The following IFT122 variants were observed in gnomAD, a reference collection of about 807,000 sequenced individuals.
IFT122 encodes intraflagellar transport 122.
In IFT122, 118 loss-of-function variants were observed where a neutral mutation model predicts 161.6. The ratio of observed to expected loss-of-function variants is 0.73; its 90% CI spans 0.63 to 0.85. The LOEUF (loss-of-function observed/expected upper bound fraction) is 0.85. Among genes scored for constraint, IFT122 ranks in the 40% least tolerant of loss-of-function variants. The probability of loss-of-function intolerance (pLI) is 0.00; values close to 1 mark genes in which losing one functional copy is unlikely to be tolerated. For missense variants in IFT122, 1,381 were observed against 1,579.6 expected, an observed-to-expected ratio of 0.87 and a Z score of 2.13; for synonymous variants, 550 against 602.4, an observed-to-expected ratio of 0.91 and a Z score of 1.27.
intron 12 of IFT122, 101 bp from the exon 13 acceptor site, chr3:129,479,684 T>G (rs1262920099): frequency 7.3e-7 from 1 of 1,375,298 alleles, no homozygotes; most frequent in East Asian, 2.3e-5. Flanking sequence ...ATACTGAATG[T>G]GTAGGTATTT....
intron 3 of IFT122, among the ~76,000 whole-genome samples, chr3:129,455,224 G>T (rs185625091): frequency 6.6e-6 from 1 of 151,844 alleles, no homozygotes; most frequent in East Asian, 1.9e-4. Flanking sequence ...CCAGGCTGGA[G>T]TGCAGTGGCG....
intron 2 of IFT122, among the ~76,000 whole-genome samples, chr3:129,451,710 A>G (rs1296015860): frequency 6.6e-6 from 1 of 152,254 alleles, no homozygotes; most frequent in Non-Finnish European, 1.5e-5. Context: ...TCCTGGTCAC[A>G]TAGTACATAG....
intron 13 of IFT122, 126 bp from the exon 14 acceptor site, chr3:129,481,404 C>T (rs535995066): frequency 7.9e-6 from 7 of 887,078 alleles, no homozygotes; most frequent in Non-Finnish European, 1.3e-5. Context: ...CTTTTCCCTG[C>T]ACAGAGCTTC....
intron 16 of IFT122, among the ~76,000 whole-genome samples, chr3:129,490,476 T>C (rs1306787624): frequency 6.6e-6 from 1 of 152,204 alleles, no homozygotes; most frequent in East Asian, 1.9e-4. Context: ...AGGGGCCTTG[T>C]GACTCTGACC....
At position 129,479,931 on chromosome 3, in the gene IFT122, T is replaced by C. The variant is rs760740538; in HGVS notation, c.1488+9T>C. 1 of 1,613,708 alleles carries C rather than the reference T, an allele frequency of 6.2e-7. No homozygotes were observed. The highest frequency in any genetic ancestry group is 1.7e-5 in the Admixed American group (1 of 60,000). On this transcript the variant is annotated intron_variant, in intron 13 of 29. Coordinates refer to ENST00000348417, the MANE Select transcript of IFT122 (RefSeq NM_052989.3). ...GGCTGAAGAATGGACAGGTGAGTGC[T>C]CCCTCACGTCTCCTGTCAGGCTGAT... is the stretch of plus-strand genomic sequence containing the variant.
rs746761833 is a variant in IFT122 at position 129,478,042 on chromosome 3, A to C, written c.1174A>C (p.Lys392Gln). 2.5e-6 allele frequency: 4 copies of C among 1,614,218 alleles called. No homozygotes were observed. The Admixed American group carries it at 5.0e-5, about 20-fold the overall frequency. The change falls in exon 12 of 30, where the codon AAG (lysine) becomes CAG (glutamine). Residue 392 changes from lysine to glutamine, a missense_variant. Lys to Gln is a moderately conservative substitution (Grantham distance 53). Around this residue, in one of 7 missense-constraint regions of IFT122, gnomAD observed 544 missense variants for 648.0 expected, o/e 0.84. Transcript: ENST00000348417. ...TCGGATTAAATGCAAAGAGCTTGTC[A>C]AGAAGATTGCCATCTACAGAAATCG... ...KVRIKCKELV[K>Q]KIAIYRNRLA...
chr3:129,442,632 C>T (rs1406276351), intron 1 of IFT122, among the ~76,000 whole-genome samples: 1 of 151,944 alleles, frequency 6.6e-6, no homozygotes, highest in Non-Finnish European at 1.5e-5. Context: ...AAAGATTAGT[C>T]CTCCACATCC....
chr3:129,502,223 C>T (rs1452662162), intron 19 of IFT122, among the ~76,000 whole-genome samples: 1 of 152,246 alleles, frequency 6.6e-6, no homozygotes, highest in African/African-American at 2.4e-5. Context: ...TTGAGGTATT[C>T]TTATGCCTTG....
At chr3:129,489,322 C>T (rs1332920617) in intron 16 of IFT122, among the ~76,000 whole-genome samples, 6 of 152,168 alleles carry the variant, frequency 3.9e-5, no homozygotes, top group Non-Finnish European at 8.8e-5. Context: ...AGCCACTTTC[C>T]TTGGAGCCCC....
rs1475726384 is a variant in IFT122 at position 129,499,926 on chromosome 3, A to G, written c.2233A>G (p.Lys745Glu). 9.9e-6 allele frequency: 16 copies of G among 1,614,062 alleles called. No homozygotes were observed. Among genetic ancestry groups the G allele is most frequent in the Non-Finnish European group, 1.4e-5 (16 of 1,180,032 alleles). Reference protein sequence around the residue: ...AKDFLGSGDPKETKMLITKQA... With the variant: ...AKDFLGSGDPEETKMLITKQA... Reference sequence around the variant, plus strand: ...GGATTTCCTTGGATCTGGAGACCCCAAAGAAACAAAGATGCTAATCACCAA... The same window carrying G: ...GGATTTCCTTGGATCTGGAGACCCCGAAGAAACAAAGATGCTAATCACCAA... The change falls in exon 19 of 30, where the codon AAA (lysine) becomes GAA (glutamate). Residue 745 changes from lysine (K) to glutamate (E), a missense_variant. Physicochemically the swap from Lys to Glu is moderately conservative, Grantham distance 56 (BLOSUM62 1). Around this residue, in one of 7 missense-constraint regions of IFT122, gnomAD observed 496 missense variants for 502.5 expected, o/e 0.99. Coordinates refer to ENST00000348417, the MANE Select transcript of IFT122 (RefSeq NM_052989.3).
intron 1 of IFT122, among the ~76,000 whole-genome samples, chr3:129,448,704 T>C (rs2074357936): frequency 6.6e-6 from 1 of 151,760 alleles, no homozygotes; most frequent in Non-Finnish European, 1.5e-5. Flanking sequence ...TTTATTTTTT[T>C]TTTTTGAGAC....
Position 129,483,565 on chromosome 3 carries a change from C to T in IFT122, c.1734C>T (p.Ile578=). 1 of 1,614,156 alleles carries T rather than the reference C, an allele frequency of 6.2e-7. No individual in the cohort carries two copies. Among genetic ancestry groups the T allele is most frequent in the Non-Finnish European group, 8.5e-7 (1 of 1,180,026 alleles). Residue 578 remains isoleucine, a synonymous_variant, in exon 15 of 30, where the codon ATC becomes ATT. Coordinates refer to ENST00000348417, the MANE Select transcript of IFT122 (RefSeq NM_052989.3). ...TCTCGGGAGGAGGCTACCTCAACATCAAAGCCAGCACCTTCCCTGTGCACC... is the reference window on the plus strand; with the variant it reads ...TCTCGGGAGGAGGCTACCTCAACATTAAAGCCAGCACCTTCCCTGTGCACC... ...LCFSGGGYLN[I]KASTFPVHRQ... is the part of the protein sequence containing the mutation.
intron 23 of IFT122, among the ~76,000 whole-genome samples, chr3:129,510,044 G>A (rs1238224381): frequency 2.6e-5 from 4 of 152,168 alleles, no homozygotes; most frequent in Non-Finnish European, 5.9e-5. Flanking sequence ...TCCCTGACCT[G>A]CTCCCTCCAG....
Position 129,459,283 on chromosome 3 carries a change from T to TTTTTG in IFT122, c.272+627_272+631dup, listed in dbSNP as rs200259631. 4.2e-4 allele frequency: 191 copies of TTTTTG among 453,344 alleles called. 1 individual carries two copies. In the East Asian group the frequency reaches 9.8e-3, roughly 23 times the overall value. 28.1% of individuals were successfully genotyped at this position (453,344 alleles called of 1,614,324 possible). A position where few individuals can be genotyped will look rare whatever the true frequency, so the allele number is the denominator to read the frequency against. On this transcript the variant is annotated intron_variant, in intron 4 of 29. Coordinates refer to ENST00000348417, the MANE Select transcript of IFT122 (RefSeq NM_052989.3). The stretch of plus-strand genomic sequence containing the variant: ...CCATAAGAACAGATACTGCATCTAT[T>TTTTTG]TTTTGTTTTGTTTTGTTTTGTTTTG...
In IFT122 at chr3:129,514,401, C is replaced by T. The variant is rs1299232349; in HGVS notation, c.3000C>T (p.Phe1000=). The change falls in exon 25 of 30, where the codon TTC becomes TTT. Residue 1000 remains phenylalanine (F), a synonymous_variant. Transcript: ENST00000348417. The stretch of plus-strand genomic sequence containing the variant: ...CTGTTCACGGCAGGAAAATACTCTT[C>T]ACCTTGGCCAAGCAGAGCAAGGCCC... ...PSGISKVKIL[F]TLAKQSKALG... is the part of the protein sequence containing the mutation. 4 of 1,614,180 alleles carry T rather than the reference C, an allele frequency of 2.5e-6. No individual in the cohort carries two copies. The East Asian group carries it at 6.7e-5, about 27-fold the overall frequency.
chr3:129,457,793 T>C (rs1438115710), intron 3 of IFT122: 1 of 145,590 alleles, frequency 6.9e-6, no homozygotes, highest in African/African-American at 2.6e-5. Flanking sequence ...TGGAGTGCAG[T>C]GGCGTGATCT....
intron 23 of IFT122, among the ~76,000 whole-genome samples, chr3:129,511,279 G>A (rs1023737400): frequency 7.2e-5 from 11 of 152,250 alleles, no homozygotes; most frequent in Non-Finnish European, 1.0e-4. Context: ...ACCCTGGAAA[G>A]GATGTGGTCT....
chr3:129,479,762 G>A lies in IFT122; in HGVS notation c.1351-23G>A, dbSNP rs559154908. On this transcript the variant is annotated intron_variant, in intron 12 of 29. Coordinates refer to ENST00000348417, the MANE Select transcript of IFT122 (RefSeq NM_052989.3). The stretch of plus-strand genomic sequence containing the variant: ...GGCACTTATTCTGTTGAATTTCCAT[G>A]CAGAGCTGGGTTTGCTTCCTAGGAG... 20 of 1,613,760 alleles carry A rather than the reference G, an allele frequency of 1.2e-5. No homozygotes were observed. The South Asian group carries it at 2.2e-4, about 18-fold the overall frequency.
In IFT122 at chr3:129,497,296, G is replaced by T. The variant is rs74323027; in HGVS notation, c.2208+1689G>T. The stretch of plus-strand genomic sequence containing the variant: ...AAAAATAATAAAATGCCTGGCCTTG[G>T]TGCCCCAGAGCTGGTGTGAGTGCAG... On this transcript the variant is annotated intron_variant, in intron 18 of 29. Transcript: ENST00000348417. 1.8e-4 allele frequency among the ~76,000 whole-genome samples: 27 copies of T among 152,270 alleles called. No individual in the cohort carries two copies. In the East Asian group the frequency reaches 5.2e-3, roughly 29 times the overall value.
Sources: gnomAD v4.1 joint callset for allele counts (sites outside exome capture counted in the v4.1 genomes callset) on GRCh38, gnomAD v4.1.1 for gene constraint, gnomAD v4.1.1 regional missense constraint, MANE v1.5 for transcripts, NCBI Gene and HGNC (gene_info 2026-07-23, HGNC 2026-07-21) for gene names.